The following ZFHX4 variants were observed in gnomAD, a reference collection of about 807,000 sequenced individuals.
ZFHX4 encodes the protein zinc finger homeobox 4, also known as zinc finger homeobox protein 4.
ZFHX4 carries 56 observed loss-of-function variants against 267.6 expected under a neutral mutation model. The observed-to-expected ratio is 0.21, with a 90% confidence interval of 0.17 to 0.26. ZFHX4 has a LOEUF of 0.26. Among genes scored for constraint, ZFHX4 ranks in the 10% least tolerant of loss-of-function variants. ZFHX4 has a pLI of 1.00. For missense variants in ZFHX4, 4,332 were observed against 4,420.0 expected, an observed-to-expected ratio of 0.98 and a Z score of 0.56; for synonymous variants, 1,778 against 1,665.6, an observed-to-expected ratio of 1.07 and a Z score of -1.64.
chr8:76,862,561 C>T (rs1478744678), intron 10 of ZFHX4, among the ~76,000 whole-genome samples: 1 of 152,166 alleles, frequency 6.6e-6, no homozygotes, highest in Non-Finnish European at 1.5e-5. Context: ...TAGCTTATCA[C>T]CTTCTTTGTT....
intron 3 of ZFHX4, among the ~76,000 whole-genome samples, chr8:76,762,649 A>T (rs1483873232): frequency 6.6e-6 from 1 of 152,188 alleles, no homozygotes; most frequent in African/African-American, 2.4e-5. Flanking sequence ...CAGTTCAAAT[A>T]AATATACACA....
intron 5 of ZFHX4, among the ~76,000 whole-genome samples, chr8:76,840,242 C>T (rs1330049886): frequency 6.6e-6 from 1 of 152,124 alleles, no homozygotes; most frequent in African/African-American, 2.4e-5. Context: ...GGCAAATCCA[C>T]CTCTAAAGGT....
intron 3 of ZFHX4, among the ~76,000 whole-genome samples, chr8:76,709,174 T>G (rs1440595999): frequency 6.6e-6 from 1 of 152,206 alleles, no homozygotes; most frequent in Non-Finnish European, 1.5e-5. Context: ...TTATTTGGAT[T>G]TGTCTAATAC....
chr8:76,751,127 G>A (rs973112795), intron 3 of ZFHX4, among the ~76,000 whole-genome samples: 3 of 152,068 alleles, frequency 2.0e-5, no homozygotes, highest in African/African-American at 7.2e-5. Flanking sequence ...ATTCACAGAA[G>A]ATCAATTCTT....
rs534506081 is a variant in ZFHX4 at position 76,818,915 on chromosome 8, T to TA, written c.3326-14414dup. On this transcript the variant is annotated intron_variant, in intron 4 of 10. Transcript: ENST00000651372. The stretch of plus-strand genomic sequence containing the variant: ...CTAGGTGACACAGCGAGACCTTGCC[T>TA]AAAAAAAAAGAAAAGAAATCCAGAG... Among the ~76,000 whole-genome samples, 149 of 149,874 alleles carry TA rather than the reference T, an allele frequency of 9.9e-4. 2 individuals carry two copies. In the South Asian group the frequency reaches 0.029, roughly 29 times the overall value.
At chr8:76,834,234 T>G in intron 5 of ZFHX4, 1 of 366,342 alleles carries the variant, frequency 2.7e-6, no homozygotes, top group Non-Finnish European at 5.4e-6. Flanking sequence ...AATTTTCAAC[T>G]CCCTTTGATA....
At chr8:76,721,849 G>A (rs1808730113) in intron 3 of ZFHX4, among the ~76,000 whole-genome samples, 1 of 152,110 alleles carries the variant, frequency 6.6e-6, no homozygotes, top group African/African-American at 2.4e-5. Context: ...CCCATGTGAT[G>A]TTTGTGACCG....
intron 1 of ZFHX4, chr8:76,682,577 G>C (rs1221928150): frequency 2.0e-5 from 3 of 152,288 alleles, no homozygotes; most frequent in Non-Finnish European, 4.4e-5. Context: ...TGCTTGCTCC[G>C]AACGGAACGC....
intron 1 of ZFHX4, among the ~76,000 whole-genome samples, chr8:76,697,087 G>A (rs752395551): frequency 1.3e-5 from 2 of 151,844 alleles, no homozygotes; most frequent in African/African-American, 2.4e-5. Flanking sequence ...ATGTACCTAC[G>A]CTATTATACT....
At position 76,854,056 on chromosome 8, in the gene ZFHX4, C is replaced by T. The variant is rs1812629433; in HGVS notation, c.7135C>T (p.Pro2379Ser). Reference sequence around the variant, plus strand: ...GGATGCAGCTAAAAACGCTGCTGCCCCTGCAGCAAGTTCTGGCTCTGGGAC... The same window carrying T: ...GGATGCAGCTAAAAACGCTGCTGCCTCTGCAGCAAGTTCTGGCTCTGGGAC... ...QTDAAKNAAA[P>S]AASSGSGTST... Residue 2379 changes from proline to serine, a missense_variant, in exon 10 of 11, where the codon CCT becomes TCT. This residue lies in a region of ZFHX4 where 1,648 missense variants were observed against 1,625.0 expected (regional missense o/e 1.01). Transcript: ENST00000651372. 1.2e-6 allele frequency: 2 copies of T among 1,613,760 alleles called. No homozygotes were observed.
At chr8:76,849,258 T>C (rs778560542) in intron 7 of ZFHX4, 130 bp downstream of exon 7, 7 of 1,092,536 alleles carry the variant, frequency 6.4e-6, no homozygotes, top group Non-Finnish European at 9.1e-6. Flanking sequence ...TAACTCTTGG[T>C]ATTACCTCTA....
At chr8:76,699,316 C>T (rs1193659921) in intron 1 of ZFHX4, among the ~76,000 whole-genome samples, 3 of 152,132 alleles carry the variant, frequency 2.0e-5, no homozygotes, top group African/African-American at 7.2e-5. Context: ...GAAACCTTTT[C>T]ACTTAATATT....
intron 4 of ZFHX4, among the ~76,000 whole-genome samples, chr8:76,790,915 G>A (rs940487906): frequency 1.3e-5 from 2 of 152,136 alleles, no homozygotes; most frequent in Non-Finnish European, 2.9e-5. Flanking sequence ...GATCTGCCTT[G>A]GTTGAGTAAC....
intron 5 of ZFHX4, among the ~76,000 whole-genome samples, chr8:76,835,401 C>T (rs1585993481): frequency 6.6e-6 from 1 of 151,300 alleles, no homozygotes; most frequent in Middle Eastern, 3.4e-3. Context: ...AAATATGACC[C>T]CAGTTTCCAG....
chr8:76,716,491 T>A (rs1163002235), intron 3 of ZFHX4, among the ~76,000 whole-genome samples: 1 of 152,154 alleles, frequency 6.6e-6, no homozygotes, highest in African/African-American at 2.4e-5. Flanking sequence ...TTATAGATAG[T>A]AAGAGGCTGG....
At chr8:76,761,897 T>C (rs1034183511) in intron 3 of ZFHX4, among the ~76,000 whole-genome samples, 3 of 152,198 alleles carry the variant, frequency 2.0e-5, no homozygotes, top group Admixed American at 6.5e-5. Context: ...TTGAGAATAC[T>C]TGCATTGGGT....
chr8:76,837,934 T>A (rs183144899), intron 5 of ZFHX4, among the ~76,000 whole-genome samples: 1 of 152,138 alleles, frequency 6.6e-6, no homozygotes, highest in Non-Finnish European at 1.5e-5. Context: ...CAGCTATGAT[T>A]TTTAATATTT....
rs539137799 is a variant in ZFHX4, at chr8:76,863,989, C to G, written c.10275C>G (p.Phe3425Leu). The G allele has an allele frequency of 2.5e-6, 4 of 1,613,594 alleles. No homozygotes were observed. The South Asian group carries it at 4.4e-5, about 18-fold the overall frequency. The change falls in exon 11 of 11, where the codon TTC (phenylalanine) becomes TTG (leucine). Residue 3425 changes from phenylalanine to leucine, a missense_variant. Transcript: ENST00000651372. ...CCGCAGTAAATCATCAAAAGTCCTT[C>G]TGTTATTTCGGTCAGCCTTTGATTG... ...EDAAVNHQKSFCYFGQPLIDP... is the reference protein window; with the variant it reads ...EDAAVNHQKSLCYFGQPLIDP...
intron 6 of ZFHX4, among the ~76,000 whole-genome samples, chr8:76,847,493 T>C (rs1469954634): frequency 1.3e-5 from 2 of 152,190 alleles, no homozygotes; most frequent in South Asian, 2.1e-4. Context: ...AAATAAATTC[T>C]AGTGCTTGTA....
Sources: gnomAD v4.1 joint callset for allele counts (sites outside exome capture counted in the v4.1 genomes callset) on GRCh38, gnomAD v4.1.1 for gene constraint, gnomAD v4.1.1 regional missense constraint, MANE v1.5 for transcripts, NCBI Gene and HGNC (gene_info 2026-07-23, HGNC 2026-07-21) for gene names.